Variants in PEAK1 observed in about 807,000 individuals in gnomAD.
The protein encoded by PEAK1 is pseudopodium enriched atypical kinase 1, also known as inactive tyrosine-protein kinase PEAK1.
In PEAK1, 54 loss-of-function variants were observed where a neutral mutation model predicts 124.7. The observed-to-expected ratio is 0.43, with a 90% CI of 0.35 to 0.54. PEAK1 has a LOEUF of 0.54. PEAK1 is among the 20% of genes least tolerant of loss of function. The pLI is 0.01. For missense variants in PEAK1, 2,046 were observed against 2,134.5 expected, an observed-to-expected ratio of 0.96 and a Z score of 0.82; for synonymous variants, 719 against 760.0, an observed-to-expected ratio of 0.95 and a Z score of 0.89.
At chr15:77,322,660 C>T (rs1313454872) in intron 2 of PEAK1, among the ~76,000 whole-genome samples, 1 of 152,088 alleles carries the variant, frequency 6.6e-6, no homozygotes, top group Non-Finnish European at 1.5e-5. Flanking sequence ...CAAAAAAAGT[C>T]CAGGACCAGA....
Position 77,114,465 on chromosome 15 carries a change from G to C in PEAK1, c.4932C>G (p.Cys1644Trp), listed in dbSNP as rs946239006. Residue 1644 changes from cysteine to tryptophan, a missense_variant, in exon 10 of 10, where the codon TGC becomes TGG. By Grantham distance (215) the Cys-to-Trp change is radical. Coordinates refer to ENST00000682557, the MANE Select transcript of PEAK1 (RefSeq NM_001385026.1). Reference protein sequence around the residue: ...YSRGLQQLASCLLNPNPSERI... With the variant: ...YSRGLQQLASWLLNPNPSERI... ...GCTCAGAAGGGTTGGGATTCAGGAG[G>C]CAGCTGGCCAGCTGCTGCAGACCCC... The C allele has an allele frequency of 6.2e-7, 1 of 1,614,082 alleles. No homozygotes were observed. The highest frequency in any genetic ancestry group is 1.3e-5 in the African/African-American group (1 of 75,040).
chr15:77,283,053 C>T (rs949749042), intron 5 of PEAK1, among the ~76,000 whole-genome samples: 8 of 152,008 alleles, frequency 5.3e-5, no homozygotes, highest in African/African-American at 1.5e-4. Context: ...AAAATGGGTA[C>T]GCAATAAGAG....
At position 77,114,166 on chromosome 15, in the gene PEAK1, T is replaced by C. The variant is rs761361923; in HGVS notation, c.5231A>G (p.Gln1744Arg). ...DSLSCIVKIL[Q>R]HR Reference sequence around the variant, plus strand: ...TCATCCAGGTACACATTAACGGTGCTGCAGAATTTTCACAATACAACTGAG... The same window carrying C: ...TCATCCAGGTACACATTAACGGTGCCGCAGAATTTTCACAATACAACTGAG... Residue 1744 changes from glutamine to arginine, a missense_variant, in exon 10 of 10, where the codon CAG (glutamine) becomes CGG (arginine). Transcript: ENST00000682557. 6.2e-7 allele frequency: 1 copy of C among 1,613,830 alleles called. No individual in the cohort carries two copies. The highest frequency in any genetic ancestry group is 8.5e-7 in the Non-Finnish European group (1 of 1,179,704).
chr15:77,383,428 C>T (rs1007012666), intron 1 of PEAK1, among the ~76,000 whole-genome samples: 3 of 152,162 alleles, frequency 2.0e-5, no homozygotes, highest in Admixed American at 6.5e-5. Context: ...TCTGACTCCA[C>T]GTTCCTTTTT....
chr15:77,271,529 C>G (rs560689340), intron 5 of PEAK1, among the ~76,000 whole-genome samples: 1 of 152,052 alleles, frequency 6.6e-6, no homozygotes, highest in African/African-American at 2.4e-5. Context: ...TGGTACCAAC[C>G]CAAATGTCCA....
chr15:77,347,387 G>A (rs956288026), intron 2 of PEAK1: 2 of 985,350 alleles, frequency 2.0e-6, no homozygotes, highest in Non-Finnish European at 1.2e-6. Context: ...GAATCAGAAA[G>A]AATCGGCATC....
intron 2 of PEAK1, among the ~76,000 whole-genome samples, chr15:77,324,154 T>G (rs925389530): frequency 6.6e-6 from 1 of 152,334 alleles, no homozygotes; most frequent in Middle Eastern, 3.4e-3. Flanking sequence ...ATGCGCTCAA[T>G]AAATGTTTGC....
Position 77,366,677 on chromosome 15 carries a change from T to A in PEAK1, c.-665-1452A>T, listed in dbSNP as rs76282718. Among the ~76,000 whole-genome samples the A allele has an allele frequency of 4.0e-3, 611 of 152,232 alleles. 4 individuals are homozygous for A. The highest frequency in any genetic ancestry group is 0.014 in the African/African-American group (572 of 41,560). On this transcript the variant is annotated intron_variant, in intron 1 of 9. Coordinates refer to ENST00000682557, the MANE Select transcript of PEAK1 (RefSeq NM_001385026.1). Reference sequence around the variant, plus strand: ...CTCGAGTGATCCTTCTACCTCAGCATCCTGAGTAGCTGGGACTACACAGGT... The same window carrying A: ...CTCGAGTGATCCTTCTACCTCAGCAACCTGAGTAGCTGGGACTACACAGGT...
At chr15:77,173,091 A>G (rs1431523718) in intron 7 of PEAK1, among the ~76,000 whole-genome samples, 2 of 152,098 alleles carry the variant, frequency 1.3e-5, no homozygotes, top group South Asian at 2.1e-4. Flanking sequence ...TAAAAACAAC[A>G]ACAACAACAA....
chr15:77,152,890 C>T (rs2054780784), intron 8 of PEAK1, among the ~76,000 whole-genome samples: 1 of 152,102 alleles, frequency 6.6e-6, no homozygotes, highest in Non-Finnish European at 1.5e-5. Context: ...ATTCGGTTTG[C>T]CAGTATTTTA....
chr15:77,168,007 G>C lies in PEAK1; in HGVS notation c.3138-9311C>G, dbSNP rs573082188. On this transcript the variant is annotated intron_variant, in intron 7 of 9. Coordinates refer to ENST00000682557, the MANE Select transcript of PEAK1 (RefSeq NM_001385026.1). ...GCGGTGTTTGGTTTTCTGTCCTTGT[G>C]ACAGTTTGCTCAGAATGATGGTTTC... Among the ~76,000 whole-genome samples, 16 of 152,088 alleles carry C rather than the reference G, an allele frequency of 1.1e-4. No individual in the cohort carries two copies. In the East Asian group the frequency reaches 2.9e-3, roughly 28 times the overall value.
At chr15:77,338,709 T>A (rs1191916889) in intron 2 of PEAK1, among the ~76,000 whole-genome samples, 2 of 151,068 alleles carry the variant, frequency 1.3e-5, no homozygotes, top group East Asian at 1.9e-4. Context: ...ACAAAATGAA[T>A]CCCACAATAA....
At chr15:77,335,123 A>C (rs114102157) in intron 2 of PEAK1, 5 of 985,350 alleles carry the variant, frequency 5.1e-6, no homozygotes, top group Admixed American at 6.1e-5. Flanking sequence ...GCTTCTGGTC[A>C]AAGAGCCAAG....
intron 7 of PEAK1, among the ~76,000 whole-genome samples, chr15:77,166,565 C>CGG (rs111783609): frequency 3.9e-5 from 6 of 152,086 alleles, no homozygotes; most frequent in African/African-American, 1.2e-4. Flanking sequence ...AAATGTGCCC[C>CGG]GGGGGGGAAT....
chr15:77,343,514 T>C (rs963973374), intron 2 of PEAK1, among the ~76,000 whole-genome samples: 4 of 139,038 alleles, frequency 2.9e-5, no homozygotes, highest in African/African-American at 1.1e-4. Flanking sequence ...TGAGACGGAG[T>C]CTCGCTCCGT....
intron 2 of PEAK1, among the ~76,000 whole-genome samples, chr15:77,338,926 C>T (rs914579113): frequency 1.3e-5 from 2 of 151,778 alleles, no homozygotes; most frequent in African/African-American, 4.8e-5. Flanking sequence ...GTCTAAATCT[C>T]AAAAACAATG....
intron 2 of PEAK1, among the ~76,000 whole-genome samples, chr15:77,308,388 T>C (rs1597220247): frequency 6.6e-6 from 1 of 152,224 alleles, no homozygotes; most frequent in African/African-American, 2.4e-5. Context: ...TTATGTGACT[T>C]ATTCCTCAGG....
At chr15:77,193,114 A>G (rs2057923146) in intron 6 of PEAK1, among the ~76,000 whole-genome samples, 2 of 152,220 alleles carry the variant, frequency 1.3e-5, no homozygotes, top group African/African-American at 4.8e-5. Context: ...GAATTATTCA[A>G]ACAAATTTAA....
chr15:77,112,218 T>C lies in PEAK1; in HGVS notation c.*1938A>G, dbSNP rs755998703. 7 of 152,214 alleles carry C rather than the reference T, an allele frequency of 4.6e-5. No homozygotes were observed. Among genetic ancestry groups the C allele is most frequent in the Admixed American group, 2.0e-4 (3 of 15,286 alleles). 9.4% of individuals were successfully genotyped at this position (152,214 alleles called of 1,614,324 possible). On this transcript the variant is annotated 3_prime_UTR_variant, in exon 10 of 10. Coordinates refer to ENST00000682557, the MANE Select transcript of PEAK1 (RefSeq NM_001385026.1). ...CAGGGGATAAGGGACATTCTCCAAA[T>C]AGAGCCTCACATATTACAATCACTT... is the stretch of plus-strand genomic sequence containing the variant.
Sources: gnomAD v4.1 joint callset for allele counts (sites outside exome capture counted in the v4.1 genomes callset) on GRCh38, gnomAD v4.1.1 for gene constraint, MANE v1.5 for transcripts, NCBI Gene and HGNC (gene_info 2026-07-23, HGNC 2026-07-21) for gene names.